Variants in PITPNM3 observed in about 807,000 individuals in gnomAD.
PITPNM3 encodes PITPNM family member 3, also known as membrane-associated phosphatidylinositol transfer protein 3.
A neutral mutation model predicts 102.0 loss-of-function variants in PITPNM3; 26 were observed. The ratio of observed to expected loss-of-function variants is 0.25; its 90% CI spans 0.19 to 0.35. The LOEUF (loss-of-function observed/expected upper bound fraction) is 0.35, where lower values mean the gene tolerates loss of function less well. Ranked by LOEUF, PITPNM3 falls within the 10% of genes least tolerant of loss-of-function variation. The pLI is 1.00. For synonymous variants in PITPNM3, 578 were observed against 558.6 expected (o/e 1.03, Z -0.49); for missense variants, 1,083 against 1,346.1 (o/e 0.80, Z 3.06).
At chr17:6,522,498 TAG>T (rs2150639238) in intron 3 of PITPNM3, among the ~76,000 whole-genome samples, 2 of 152,228 alleles carry the variant, frequency 1.3e-5, no homozygotes, top group South Asian at 4.1e-4. Context: ...GACATCCAGG[TAG>T]AGGTTAGCAG....
At chr17:6,530,790 G>A (rs909535053) in intron 2 of PITPNM3, among the ~76,000 whole-genome samples, 1 of 152,186 alleles carries the variant, frequency 6.6e-6, no homozygotes, top group Non-Finnish European at 1.5e-5. Flanking sequence ...ATGGAGGGAG[G>A]GCTATTTAGA....
intron 3 of PITPNM3, among the ~76,000 whole-genome samples, chr17:6,507,210 C>A (rs954866715): frequency 6.6e-6 from 1 of 152,130 alleles, no homozygotes. Flanking sequence ...GGCTTCAAGG[C>A]GGCAGGAGGC....
In PITPNM3 at chr17:6,459,856, C is replaced by T. The variant is rs370299112; in HGVS notation, c.2490+1517G>A. Among the ~76,000 whole-genome samples, 6 of 152,186 alleles carry T rather than the reference C, an allele frequency of 3.9e-5. No individual in the cohort carries two copies. Among genetic ancestry groups the T allele is most frequent in the Admixed American group, 1.3e-4 (2 of 15,290 alleles). On this transcript the variant is annotated intron_variant, in intron 18 of 19. Coordinates refer to ENST00000262483, the MANE Select transcript of PITPNM3 (RefSeq NM_031220.4). The surrounding 1 kb of genome is among the most constrained non-coding windows in gnomAD (Gnocchi z 5.0). The stretch of plus-strand genomic sequence containing the variant: ...TCCCTGAGCCCCGACTATTCCACCT[C>T]CTAATCCTGTCCATGTTTTTCTCTC...
Position 6,470,559 on chromosome 17 carries a change from G to C in PITPNM3, c.1625-151C>G, listed in dbSNP as rs548633114. 273 of 981,818 alleles carry C rather than the reference G, an allele frequency of 2.8e-4. No homozygotes were observed. In the African/African-American group the frequency reaches 4.2e-3, roughly 15 times the overall value. The allele number at this position is 981,818 out of a possible 1,614,324, so 60.8% of individuals were successfully genotyped here. ...CACCCTGGCCTGGAGGAGGCCTGGG[G>C]AACGCGCTGCTCTTCCTCCTTCCTT... On this transcript the variant is annotated intron_variant, in intron 12 of 19. Coordinates refer to ENST00000262483, the MANE Select transcript of PITPNM3 (RefSeq NM_031220.4). The surrounding 1 kb of genome is among the most constrained non-coding windows in gnomAD (Gnocchi z 4.8).
intron 17 of PITPNM3, among the ~76,000 whole-genome samples, chr17:6,463,427 C>CAGGGAGGGAAGG (rs1327185111): frequency 2.2e-5 from 3 of 133,740 alleles, no homozygotes; most frequent in African/African-American, 9.5e-5. Flanking sequence ...GGGAGGGAGG[C>CAGGGAGGGAAGG]AGGGAGGGAA....
intron 1 of PITPNM3, among the ~76,000 whole-genome samples, chr17:6,549,217 T>C (rs1910183453): frequency 6.6e-6 from 1 of 152,070 alleles, no homozygotes; most frequent in Non-Finnish European, 1.5e-5. Context: ...TTGCCAGCCC[T>C]GGCCACACGG....
intron 1 of PITPNM3, among the ~76,000 whole-genome samples, chr17:6,544,654 T>TCTCACACACACACACA (rs376230474): frequency 6.1e-5 from 8 of 130,204 alleles, no homozygotes; most frequent in African/African-American, 2.5e-4. Context: ...TCTCTCTCTC[T>TCTCACACACACACACA]CACACACACA....
chr17:6,486,637 C>T (rs1005121954), intron 4 of PITPNM3, among the ~76,000 whole-genome samples: 3 of 152,168 alleles, frequency 2.0e-5, no homozygotes, highest in East Asian at 1.9e-4. Context: ...TCCTGGGGCC[C>T]GGCTGTGCCC....
At chr17:6,538,974 C>T (rs753471654) in intron 1 of PITPNM3, among the ~76,000 whole-genome samples, 2 of 152,130 alleles carry the variant, frequency 1.3e-5, no homozygotes, top group Non-Finnish European at 2.9e-5. Context: ...GATCCCAGAG[C>T]ATAAACTGTT....
chr17:6,549,629 T>G (rs1245240792), intron 1 of PITPNM3, among the ~76,000 whole-genome samples: 1 of 152,240 alleles, frequency 6.6e-6, no homozygotes, highest in African/African-American at 2.4e-5. Context: ...AGTGACTCAC[T>G]AAGCCTCCTA....
At chr17:6,508,299 G>A (rs1235591848) in intron 3 of PITPNM3, among the ~76,000 whole-genome samples, 1 of 152,252 alleles carries the variant, frequency 6.6e-6, no homozygotes. Context: ...TGGGCACGCA[G>A]GTGCTTTCTG....
At chr17:6,495,476 C>CT (rs1053375137) in intron 4 of PITPNM3, among the ~76,000 whole-genome samples, 12 of 152,116 alleles carry the variant, frequency 7.9e-5, no homozygotes, top group African/African-American at 2.9e-4. Flanking sequence ...AGAGAGTCTT[C>CT]TATACGGGTC....
Position 6,468,661 on chromosome 17 carries a change from G to A in PITPNM3, c.1774-320C>T, listed in dbSNP as rs528632412. Among the ~76,000 whole-genome samples, 18 of 152,208 alleles carry A rather than the reference G, an allele frequency of 1.2e-4. No homozygotes were observed. Among genetic ancestry groups the A allele is most frequent in the East Asian group, 1.9e-4 (1 of 5,172 alleles). On this transcript the variant is annotated intron_variant, in intron 13 of 19. Transcript: ENST00000262483. The surrounding 1 kb of genome is among the most constrained non-coding windows in gnomAD (Gnocchi z 5.2). ...AACAAGGTGGCCCTTTCTTAAGGCC[G>A]GCTTGAGTCCTGATCCCAGCCCCTC... is the stretch of plus-strand genomic sequence containing the variant.
In PITPNM3 at chr17:6,453,529, T is replaced by G. The variant is rs975453281; in HGVS notation, c.*1809A>C. On this transcript the variant is annotated 3_prime_UTR_variant, in exon 20 of 20. Transcript: ENST00000262483. ...CTCCCCATAGACTCGCCAGCAGCCC[T>G]GGGCTTGAGTGCAGGATGCAGCACT... The G allele has an allele frequency of 1.3e-5, 2 of 152,510 alleles. No homozygotes were observed. The highest frequency in any genetic ancestry group is 1.3e-4 in the Admixed American group (2 of 15,294). 9.4% of individuals were successfully genotyped at this position (152,510 alleles called of 1,614,324 possible).
intron 3 of PITPNM3, among the ~76,000 whole-genome samples, chr17:6,505,017 T>G (rs1907403935): frequency 6.6e-6 from 1 of 151,656 alleles, no homozygotes; most frequent in Non-Finnish European, 1.5e-5. Context: ...TCTACTAAAA[T>G]ACAAAAACTA....
At chr17:6,523,620 T>A (rs1280809254) in intron 3 of PITPNM3, among the ~76,000 whole-genome samples, 6 of 152,132 alleles carry the variant, frequency 3.9e-5, no homozygotes, top group Non-Finnish European at 1.5e-5. Flanking sequence ...ATGGTACAAA[T>A]CCATATTTGT....
chr17:6,544,207 G>C (rs1180811639), intron 1 of PITPNM3, among the ~76,000 whole-genome samples: 1 of 152,210 alleles, frequency 6.6e-6, no homozygotes, highest in East Asian at 1.9e-4. Context: ...ATGCTGGATG[G>C]ACTTAAGCAA....
At chr17:6,501,423 C>G (rs1044889532) in intron 4 of PITPNM3, among the ~76,000 whole-genome samples, 2 of 152,194 alleles carry the variant, frequency 1.3e-5, no homozygotes, top group African/African-American at 2.4e-5. Flanking sequence ...GGCCCAAACC[C>G]ATATCCCCAA....
At chr17:6,538,453 T>C (rs959936204) in intron 1 of PITPNM3, among the ~76,000 whole-genome samples, 9 of 152,116 alleles carry the variant, frequency 5.9e-5, no homozygotes, top group Non-Finnish European at 1.2e-4. Flanking sequence ...CATTTCTCAC[T>C]CACATACAGG....
Sources: gnomAD v4.1 joint callset for allele counts (sites outside exome capture counted in the v4.1 genomes callset) on GRCh38, gnomAD v4.1.1 for gene constraint, Gnocchi (gnomAD v3.1) non-coding constraint, MANE v1.5 for transcripts, NCBI Gene and HGNC (gene_info 2026-07-23, HGNC 2026-07-21) for gene names.